The following GTF2A1L variants were observed in gnomAD, a reference collection of about 807,000 sequenced individuals.
GTF2A1L encodes general transcription factor IIA subunit 1 like, also known as TFIIA-alpha and beta-like factor.
A neutral mutation model predicts 49.7 loss-of-function variants in GTF2A1L; 48 were observed. The observed-to-expected ratio is 0.97, with a 90% confidence interval of 0.77 to 1.23. The LOEUF is 1.23. Ranked by LOEUF, GTF2A1L falls within the 50% of genes most tolerant of loss-of-function variation. The pLI, the probability that GTF2A1L is intolerant of heterozygous loss-of-function variation, is 0.00. For missense variants in GTF2A1L, 736 were observed against 564.8 expected (o/e 1.30, Z -3.07); for synonymous variants, 246 against 193.5 (o/e 1.27, Z -2.25).
chr2:48,672,432 T>C (rs1258956285), intron 8 of GTF2A1L, among the ~76,000 whole-genome samples: 1 of 152,228 alleles, frequency 6.6e-6, no homozygotes, highest in African/African-American at 2.4e-5. Flanking sequence ...GAGAAGGTTA[T>C]TGAGAAAATT....
chr2:48,672,881 A>G (rs1679248539), intron 8 of GTF2A1L, among the ~76,000 whole-genome samples: 1 of 152,166 alleles, frequency 6.6e-6, no homozygotes, highest in African/African-American at 2.4e-5. Flanking sequence ...CAATTTTAGA[A>G]CCATTTTATC....
intron 8 of GTF2A1L, among the ~76,000 whole-genome samples, chr2:48,672,710 T>G (rs1230596781): frequency 6.6e-6 from 1 of 152,220 alleles, no homozygotes; most frequent in Non-Finnish European, 1.5e-5. Context: ...CAGCTGTGAT[T>G]ATGTAGTCAA....
intron 1 of GTF2A1L, chr2:48,618,106 A>G (rs1049384843): frequency 3.7e-6 from 2 of 545,874 alleles, no homozygotes; most frequent in Admixed American, 3.6e-5. Context: ...CAGCCCCGCC[A>G]AAAGAACAAG....
At chr2:48,642,860 G>GA (rs77250826) in intron 4 of GTF2A1L, among the ~76,000 whole-genome samples, 24 of 143,152 alleles carry the variant, frequency 1.7e-4, no homozygotes, top group African/African-American at 1.6e-4. Flanking sequence ...CTGTCTCAAA[G>GA]AAAAAAAAAA....
chr2:48,617,870 C>T lies in GTF2A1L; in HGVS notation c.-5C>T, dbSNP rs1453650123. 1.9e-6 allele frequency: 3 copies of T among 1,551,838 alleles called. No individual in the cohort carries two copies. The highest frequency in any genetic ancestry group is 2.6e-6 in the Non-Finnish European group (3 of 1,147,034). ...CGCAAAGGGCCAGGTGCTGGAGGTG[C>T]TGTCATGGCCTGCCTCAACCCGGTG... On this transcript the variant is annotated 5_prime_UTR_variant, in exon 1 of 9. Transcript: ENST00000403751.
At chr2:48,626,107 C>A (rs1676276449) in intron 3 of GTF2A1L, among the ~76,000 whole-genome samples, 1 of 144,016 alleles carries the variant, frequency 6.9e-6, no homozygotes, top group South Asian at 2.3e-4. Context: ...CTTCCACCAA[C>A]AACCATTTAT....
chr2:48,645,039 TCAAACTCCAGTG>T lies in GTF2A1L; in HGVS notation c.317_328del (p.Ser106_Asn109del). 6.2e-7 allele frequency: 1 copy of T among 1,610,082 alleles called. No individual in the cohort carries two copies. The highest frequency in any genetic ancestry group is 8.5e-7 in the Non-Finnish European group (1 of 1,178,826). ...ATAAATTTCTTATATCTAGGGCACT[TCAAACTCCAGTG>T]CAAACTTTACTTTTCCTGGTTATCC... On this transcript the variant is annotated inframe_deletion, in exon 5 of 9. Coordinates refer to ENST00000403751, the MANE Select transcript of GTF2A1L (RefSeq NM_006872.5).
chr2:48,653,920 CAAAAAAA>C (rs70946819), intron 6 of GTF2A1L, among the ~76,000 whole-genome samples: 52,886 of 108,870 alleles, frequency 0.49, 10,757 homozygotes, highest in East Asian at 0.66. Flanking sequence ...GACTGTGTCT[CAAAAAAA>C]AAAAAAAAAA....
At chr2:48,641,727 T>C (rs1677207637) in intron 3 of GTF2A1L, among the ~76,000 whole-genome samples, 1 of 152,188 alleles carries the variant, frequency 6.6e-6, no homozygotes, top group South Asian at 2.1e-4. Context: ...TGGTCAATCT[T>C]TGAGATGTAT....
intron 6 of GTF2A1L, among the ~76,000 whole-genome samples, chr2:48,652,346 T>A (rs940353272): frequency 9.2e-5 from 14 of 152,138 alleles, no homozygotes; most frequent in Non-Finnish European, 1.5e-4. Context: ...CCGGGCATGG[T>A]GGCTGCTGCC....
At chr2:48,677,294 G>A (rs1392931426) in intron 8 of GTF2A1L, among the ~76,000 whole-genome samples, 1 of 151,856 alleles carries the variant, frequency 6.6e-6, no homozygotes, top group Non-Finnish European at 1.5e-5. Context: ...TTATTTTAAT[G>A]ATGCTGGGGA....
intron 3 of GTF2A1L, among the ~76,000 whole-genome samples, chr2:48,631,676 G>A (rs1449261218): frequency 1.3e-5 from 2 of 151,900 alleles, no homozygotes; most frequent in African/African-American, 2.4e-5. Context: ...GTTTCACTCC[G>A]ATTGTAGTTA....
At chr2:48,617,980 C>A in intron 1 of GTF2A1L, 85 bp downstream of exon 1, 2 of 1,335,516 alleles carry the variant, frequency 1.5e-6, no homozygotes, top group South Asian at 1.3e-5. Flanking sequence ...TTTTGTTTCC[C>A]CCTGACACTT....
At chr2:48,647,068 G>T (rs747804156) in intron 6 of GTF2A1L, 26 bp downstream of exon 6, 8 of 1,542,200 alleles carry the variant, frequency 5.2e-6, no homozygotes, top group Non-Finnish European at 7.0e-6. Flanking sequence ...CAACTTCTTG[G>T]TATCAGGGGA....
At chr2:48,657,867 A>C (rs1378601781) in intron 6 of GTF2A1L, among the ~76,000 whole-genome samples, 3 of 151,774 alleles carry the variant, frequency 2.0e-5, no homozygotes, top group Admixed American at 6.6e-5. Flanking sequence ...GATGTGGAAC[A>C]TTTTTTCATA....
chr2:48,659,934 T>A (rs570862529), intron 6 of GTF2A1L, among the ~76,000 whole-genome samples: 42 of 152,270 alleles, frequency 2.8e-4, no homozygotes, highest in South Asian at 8.3e-4. Context: ...TAAACAGAGA[T>A]AATTTTAGTT....
intron 6 of GTF2A1L, among the ~76,000 whole-genome samples, chr2:48,652,502 G>A (rs970524439): frequency 6.6e-6 from 1 of 151,190 alleles, no homozygotes; most frequent in African/African-American, 2.4e-5. Flanking sequence ...TGTAATCCCA[G>A]CTACTCGGGA....
chr2:48,646,304 A>G (rs1013430099), intron 5 of GTF2A1L, 149 bp from the exon 6 acceptor site: 8 of 580,868 alleles, frequency 1.4e-5, no homozygotes, highest in Non-Finnish European at 1.9e-5. Flanking sequence ...CTGAAGAATA[A>G]AAGAAAAACC....
At chr2:48,661,495 C>T (rs2104272422) in intron 6 of GTF2A1L, among the ~76,000 whole-genome samples, 1 of 152,068 alleles carries the variant, frequency 6.6e-6, no homozygotes, top group Admixed American at 6.5e-5. Flanking sequence ...CTCAAGTAAT[C>T]TGCCTGCCTC....
Sources: allele counts gnomAD v4.1 joint callset (sites outside exome capture counted in the v4.1 genomes callset), GRCh38; gene constraint gnomAD v4.1.1; transcripts MANE v1.5; gene names NCBI Gene and HGNC (gene_info 2026-07-23, HGNC 2026-07-21).